Variants in NRG3 observed in about 807,000 individuals in gnomAD.
The protein encoded by NRG3 is pro-neuregulin-3, membrane-bound isoform.
A neutral mutation model predicts 66.9 loss-of-function variants in NRG3; 31 were observed. That is an observed-to-expected ratio of 0.46 (90% CI 0.35 to 0.63). NRG3 has a LOEUF of 0.63. Among genes scored for constraint, NRG3 ranks in the 20% least tolerant of loss-of-function variants. The pLI is 0.00. For missense variants in NRG3, 910 were observed against 878.9 expected, an observed-to-expected ratio of 1.04 and a Z score of -0.45; for synonymous variants, 393 against 359.4, an observed-to-expected ratio of 1.09 and a Z score of -1.06.
intron 1 of NRG3, among the ~76,000 whole-genome samples, chr10:81,923,958 G>C (rs866364715): frequency 2.0e-5 from 3 of 152,202 alleles, no homozygotes; most frequent in African/African-American, 7.2e-5. Context: ...CAGCAGTCTT[G>C]TTGTATGTCT....
At chr10:82,027,014 G>A (rs923281907) in intron 1 of NRG3, among the ~76,000 whole-genome samples, 1 of 151,804 alleles carries the variant, frequency 6.6e-6, no homozygotes, top group African/African-American at 2.4e-5. Flanking sequence ...TTAATTCATG[G>A]GGGCAGCTAA....
rs1554911302 is a variant in NRG3 at position 82,408,131 on chromosome 10, G to GAAAGAAAGAAAGAAAGAAAGAAAGAA, written c.953+49278_953+49279insGAAAGAAAGAAAAAGAAAGAAAGAAA. 9.2e-4 allele frequency among the ~76,000 whole-genome samples: 119 copies of GAAAGAAAGAAAGAAAGAAAGAAAGAA among 129,824 alleles called. 5 individuals carry two copies. Among genetic ancestry groups the GAAAGAAAGAAAGAAAGAAAGAAAGAA allele is most frequent in the African/African-American group, 3.2e-3 (113 of 35,052 alleles). 85.2% of individuals were successfully genotyped at this position (129,824 alleles called of 152,430 possible). A position where few individuals can be genotyped will look rare whatever the true frequency, so the allele number is the denominator to read the frequency against. ...AGAAAGAAAGAAAGAAAGAAAGAAA[G>GAAAGAAAGAAAGAAAGAAAGAAAGAA]AAAGAAAGAAAGAAAAGAAAAAGAA... On this transcript the variant is annotated intron_variant, in intron 2 of 8. Coordinates refer to ENST00000372141, the MANE Select transcript of NRG3 (RefSeq NM_001010848.4).
chr10:82,012,686 C>T (rs1554883827), intron 1 of NRG3, among the ~76,000 whole-genome samples: 1 of 152,188 alleles, frequency 6.6e-6, no homozygotes, highest in Non-Finnish European at 1.5e-5. Context: ...TTAGAAATTT[C>T]TTCCACCAGA....
At chr10:82,475,351 T>A (rs925266598) in intron 2 of NRG3, among the ~76,000 whole-genome samples, 3 of 151,990 alleles carry the variant, frequency 2.0e-5, no homozygotes, top group Non-Finnish European at 4.4e-5. Context: ...TTGGATAATC[T>A]AGGGGAAATG....
At chr10:82,492,429 A>AT (rs1251241933) in intron 2 of NRG3, among the ~76,000 whole-genome samples, 2 of 152,128 alleles carry the variant, frequency 1.3e-5, no homozygotes, top group South Asian at 2.1e-4. Flanking sequence ...CTCTCTGGTG[A>AT]TTTTTTTAGA....
chr10:82,714,650 A>C (rs1484674539), intron 2 of NRG3, among the ~76,000 whole-genome samples: 1 of 152,258 alleles, frequency 6.6e-6, no homozygotes, highest in East Asian at 1.9e-4. Context: ...AGATAAGAAA[A>C]TTGCAAATTC....
intron 1 of NRG3, among the ~76,000 whole-genome samples, chr10:82,180,625 C>T (rs1591541): frequency 1.3e-5 from 2 of 151,680 alleles, no homozygotes; most frequent in African/African-American, 2.4e-5. Flanking sequence ...CCTCTTAGTG[C>T]GCTGTTGAAT....
At chr10:82,497,782 A>G (rs965989193) in intron 2 of NRG3, among the ~76,000 whole-genome samples, 1 of 152,170 alleles carries the variant, frequency 6.6e-6, no homozygotes, top group Non-Finnish European at 1.5e-5. Flanking sequence ...GCTGGACAAC[A>G]TGGTAGTTCT....
intron 1 of NRG3, among the ~76,000 whole-genome samples, chr10:82,083,163 G>A (rs1373377056): frequency 6.6e-6 from 1 of 151,942 alleles, no homozygotes; most frequent in Non-Finnish European, 1.5e-5. Context: ...TTTTGATGAT[G>A]TACAGTAGCA....
intron 1 of NRG3, among the ~76,000 whole-genome samples, chr10:81,906,938 G>C (rs1844657033): frequency 6.6e-6 from 1 of 152,132 alleles, no homozygotes. Context: ...AAATCAAGTA[G>C]AACTGGAGAG....
chr10:81,962,750 C>T (rs1200137110), intron 1 of NRG3, among the ~76,000 whole-genome samples: 1 of 152,204 alleles, frequency 6.6e-6, no homozygotes. Flanking sequence ...GGTTCCCCTC[C>T]AAGATGGCTC....
intron 1 of NRG3, among the ~76,000 whole-genome samples, chr10:82,202,950 TTTGA>T (rs1436371425): frequency 1.3e-5 from 2 of 152,186 alleles, no homozygotes; most frequent in Non-Finnish European, 2.9e-5. Flanking sequence ...AGCTGTTCAC[TTTGA>T]TTGATGTGTG....
intron 2 of NRG3, among the ~76,000 whole-genome samples, chr10:82,632,780 T>G (rs2133741548): frequency 6.6e-6 from 1 of 152,302 alleles, no homozygotes. Flanking sequence ...TGTTTAATCT[T>G]TTAGTTTGCT....
At chr10:82,096,205 A>G (rs1962745) in intron 1 of NRG3, among the ~76,000 whole-genome samples, 152,268 of 152,276 alleles carry the variant, frequency 1, 76,130 homozygotes, top group Middle Eastern at 1. Flanking sequence ...GGCTGGGCAC[A>G]GTGGCTCATG....
chr10:82,066,380 CTCTG>C (rs141707979), intron 1 of NRG3, among the ~76,000 whole-genome samples: 4,980 of 152,220 alleles, frequency 0.033, 168 homozygotes, highest in East Asian at 0.15. Flanking sequence ...TAAATGTACA[CTCTG>C]TCTATCAGTA....
chr10:82,407,636 G>T (rs2030933580), intron 2 of NRG3, among the ~76,000 whole-genome samples: 1 of 152,130 alleles, frequency 6.6e-6, no homozygotes, highest in African/African-American at 2.4e-5. Flanking sequence ...TGCGTGGGTG[G>T]ACAGCTGATC....
intron 1 of NRG3, among the ~76,000 whole-genome samples, chr10:81,887,767 A>C (rs1351673445): frequency 6.6e-6 from 1 of 152,104 alleles, no homozygotes; most frequent in African/African-American, 2.4e-5. Context: ...CAAATATATG[A>C]TTCTATTTAT....
At chr10:82,843,112 A>C (rs2063142681) in intron 3 of NRG3, 1 of 328,460 alleles carries the variant, frequency 3.0e-6, no homozygotes, top group Admixed American at 3.3e-5. Context: ...TTTGTGGAGA[A>C]GATGGGGGAC....
chr10:82,161,790 C>T (rs888078625), intron 1 of NRG3, among the ~76,000 whole-genome samples: 1 of 152,076 alleles, frequency 6.6e-6, no homozygotes, highest in Non-Finnish European at 1.5e-5. Flanking sequence ...ACTGCAATTA[C>T]CCCTATTTGA....
Sources: allele counts gnomAD v4.1 joint callset (sites outside exome capture counted in the v4.1 genomes callset), GRCh38; gene constraint gnomAD v4.1.1; transcripts MANE v1.5; gene names NCBI Gene and HGNC (gene_info 2026-07-23, HGNC 2026-07-21).